Variants in GNAQ observed in about 807,000 individuals in gnomAD.
GNAQ encodes G protein subunit alpha q.
GNAQ carries 8 observed loss-of-function variants against 43.9 expected under a neutral mutation model. The observed-to-expected ratio is 0.18, with a 90% CI of 0.11 to 0.33. GNAQ has a LOEUF of 0.33. GNAQ is among the 10% of genes least tolerant of loss of function. The pLI, the probability that GNAQ is intolerant of heterozygous loss-of-function variation, is 1.00. For synonymous variants in GNAQ, 155 were observed against 170.7 expected (o/e 0.91, Z 0.71); for missense variants, 158 against 450.8 (o/e 0.35, Z 5.88).
intron 2 of GNAQ, among the ~76,000 whole-genome samples, chr9:77,877,976 TTG>T (rs909206367): frequency 3.9e-5 from 6 of 152,172 alleles, no homozygotes; most frequent in Non-Finnish European, 1.5e-5. Flanking sequence ...TGCTTCCCCT[TTG>T]AACTGTACAC....
At chr9:77,924,307 C>T (rs558343771) in intron 1 of GNAQ, among the ~76,000 whole-genome samples, 30 of 152,010 alleles carry the variant, frequency 2.0e-4, no homozygotes, top group Non-Finnish European at 3.4e-4. Flanking sequence ...TATCAACCAA[C>T]GATTTATAGA....
At chr9:77,894,974 G>C (rs181293785) in intron 2 of GNAQ, among the ~76,000 whole-genome samples, 3 of 151,698 alleles carry the variant, frequency 2.0e-5, no homozygotes, top group Admixed American at 2.0e-4. Context: ...CAGATCACGA[G>C]GTCAGGAGAT....
intron 2 of GNAQ, among the ~76,000 whole-genome samples, chr9:77,824,006 G>A (rs1827154548): frequency 6.6e-6 from 1 of 152,110 alleles, no homozygotes; most frequent in African/African-American, 2.4e-5. Flanking sequence ...ATAAATCAAT[G>A]TAGATTTTAA....
chr9:77,782,995 G>A (rs1024728654), intron 5 of GNAQ, among the ~76,000 whole-genome samples: 3 of 152,182 alleles, frequency 2.0e-5, no homozygotes, highest in Non-Finnish European at 4.4e-5. Context: ...AGGGGGAAGG[G>A]AGAAATAAAT....
chr9:77,808,541 T>C (rs1251892487), intron 3 of GNAQ, among the ~76,000 whole-genome samples: 16 of 151,974 alleles, frequency 1.1e-4, no homozygotes, highest in Admixed American at 9.8e-4. Flanking sequence ...ATAGCATTTT[T>C]AGTAATTTAA....
chr9:77,747,474 A>G (rs1272874853), intron 5 of GNAQ, among the ~76,000 whole-genome samples: 1 of 152,230 alleles, frequency 6.6e-6, no homozygotes, highest in Non-Finnish European at 1.5e-5. Flanking sequence ...AATGAGATCA[A>G]GTATCTTTAA....
intron 1 of GNAQ, among the ~76,000 whole-genome samples, chr9:77,941,903 T>TACACACAC (rs1320268340): frequency 1.4e-4 from 13 of 90,402 alleles, no homozygotes; most frequent in African/African-American, 5.5e-4. Context: ...ACATACAACA[T>TACACACAC]ACATACACAC....
intron 5 of GNAQ, among the ~76,000 whole-genome samples, chr9:77,755,137 A>T (rs567014107): frequency 6.6e-6 from 1 of 152,348 alleles, no homozygotes; most frequent in East Asian, 1.9e-4. Flanking sequence ...GCATAGAAAG[A>T]CAAACTTTGC....
chr9:77,718,255 G>C lies in GNAQ; in HGVS notation c.*3068C>G, dbSNP rs538020035. On this transcript the variant is annotated 3_prime_UTR_variant, in exon 7 of 7. Coordinates refer to ENST00000286548, the MANE Select transcript of GNAQ (RefSeq NM_002072.5). ...CCAGTGGCACACGCTTATAACGCTTGCAATCACAATATAATATAAAGCATG... is the reference window on the plus strand; with the variant it reads ...CCAGTGGCACACGCTTATAACGCTTCCAATCACAATATAATATAAAGCATG... 1 of 232,534 alleles carries C rather than the reference G, an allele frequency of 4.3e-6. No homozygotes were observed. Among genetic ancestry groups the C allele is most frequent in the East Asian group, 6.0e-5 (1 of 16,556 alleles). 14.4% of individuals were successfully genotyped at this position (232,534 alleles called of 1,614,324 possible).
chr9:78,026,432 G>C (rs1408369193), intron 1 of GNAQ, among the ~76,000 whole-genome samples: 1 of 152,116 alleles, frequency 6.6e-6, no homozygotes, highest in Non-Finnish European at 1.5e-5. Flanking sequence ...ACAAAAAAGG[G>C]AACTGTATCC....
At chr9:77,919,867 A>C (rs1828970193) in intron 2 of GNAQ, among the ~76,000 whole-genome samples, 2 of 152,262 alleles carry the variant, frequency 1.3e-5, no homozygotes, top group South Asian at 4.2e-4. Flanking sequence ...TGAGGCCGGG[A>C]GAGGTGGCTC....
intron 2 of GNAQ, among the ~76,000 whole-genome samples, chr9:77,913,171 C>T (rs527888694): frequency 4.1e-4 from 63 of 152,130 alleles, no homozygotes; most frequent in South Asian, 4.1e-4. Context: ...CTCAGGAATT[C>T]CAAATGCTAG....
intron 1 of GNAQ, among the ~76,000 whole-genome samples, chr9:78,018,892 C>G (rs1823870986): frequency 6.6e-6 from 1 of 152,168 alleles, no homozygotes; most frequent in South Asian, 2.1e-4. Flanking sequence ...CACATTAATT[C>G]TGAGATGGAT....
At chr9:77,897,675 C>T (rs747347336) in intron 2 of GNAQ, among the ~76,000 whole-genome samples, 1 of 152,088 alleles carries the variant, frequency 6.6e-6, no homozygotes, top group African/African-American at 2.4e-5. Flanking sequence ...CCTTCTTATG[C>T]TCCTGGTTTA....
At position 77,719,126 on chromosome 9, in the gene GNAQ, T is replaced by G. The variant is rs1034884872; in HGVS notation, c.*2197A>C. On this transcript the variant is annotated 3_prime_UTR_variant, in exon 7 of 7. Coordinates refer to ENST00000286548, the MANE Select transcript of GNAQ (RefSeq NM_002072.5). ...CTGTATGACAGTAAGGTTTTTTTTTTTTCTTCTTTTCTAAATGGAAAGAAA... is the reference window on the plus strand; with the variant it reads ...CTGTATGACAGTAAGGTTTTTTTTTGTTCTTCTTTTCTAAATGGAAAGAAA... 1 of 232,138 alleles carries G rather than the reference T, an allele frequency of 4.3e-6. No individual in the cohort carries two copies. Among genetic ancestry groups the G allele is most frequent in the Non-Finnish European group, 8.5e-6 (1 of 117,470 alleles). 14.4% of individuals were successfully genotyped at this position (232,138 alleles called of 1,614,324 possible). A position where few individuals can be genotyped will look rare whatever the true frequency, so the allele number is the denominator to read the frequency against.
At chr9:77,930,121 A>G (rs1829127980) in intron 1 of GNAQ, among the ~76,000 whole-genome samples, 1 of 152,212 alleles carries the variant, frequency 6.6e-6, no homozygotes, top group Non-Finnish European at 1.5e-5. Flanking sequence ...ATGTGATTAG[A>G]CCAAGGATGT....
intron 2 of GNAQ, among the ~76,000 whole-genome samples, chr9:77,819,284 C>T (rs965163202): frequency 6.6e-6 from 1 of 152,052 alleles, no homozygotes; most frequent in Non-Finnish European, 1.5e-5. Flanking sequence ...GTGGTAATGT[C>T]TTGTTTTCAG....
At chr9:77,976,018 G>A (rs1823297546) in intron 1 of GNAQ, among the ~76,000 whole-genome samples, 1 of 152,272 alleles carries the variant, frequency 6.6e-6, no homozygotes, top group Non-Finnish European at 1.5e-5. Context: ...ACTACAAGTG[G>A]TATAACTGAT....
intron 5 of GNAQ, among the ~76,000 whole-genome samples, chr9:77,775,842 T>C (rs1440761947): frequency 6.6e-6 from 1 of 152,186 alleles, no homozygotes; most frequent in East Asian, 1.9e-4. Context: ...CAAGAATCAC[T>C]TGAACCCAGC....
Sources: allele counts gnomAD v4.1 joint callset (sites outside exome capture counted in the v4.1 genomes callset), GRCh38; gene constraint gnomAD v4.1.1; transcripts MANE v1.5; gene names NCBI Gene and HGNC (gene_info 2026-07-23, HGNC 2026-07-21).